The following DGKI variants were observed in gnomAD, a reference collection of about 807,000 sequenced individuals.
DGKI encodes DAG kinase iota.
Under a neutral mutation model 147.5 loss-of-function variants are expected in DGKI, and 55 were observed. That is an observed-to-expected ratio of 0.37 (90% CI 0.30 to 0.47). The LOEUF is 0.47. DGKI is among the 20% of genes least tolerant of loss of function. The pLI is 1.00. For missense variants in DGKI, 1,007 were observed against 1,323.8 expected (o/e 0.76, Z 3.71); for synonymous variants, 469 against 477.1 (o/e 0.98, Z 0.22).
intron 21 of DGKI, among the ~76,000 whole-genome samples, chr7:137,509,093 C>T (rs984810527): frequency 1.3e-5 from 2 of 152,010 alleles, no homozygotes; most frequent in Admixed American, 6.6e-5. Flanking sequence ...TCAAATGTGC[C>T]AAGGTTATCA....
intron 30 of DGKI, 22 bp downstream of exon 30, chr7:137,407,853 T>C: frequency 1.9e-6 from 3 of 1,612,426 alleles, no homozygotes; most frequent in East Asian, 2.2e-5. Context: ...TGATCCTTGG[T>C]AAGTTCACTA....
chr7:137,841,089 T>C (rs2117107087), intron 1 of DGKI, among the ~76,000 whole-genome samples: 1 of 152,372 alleles, frequency 6.6e-6, no homozygotes, highest in Non-Finnish European at 1.5e-5. Context: ...AGCAGAAAGA[T>C]GCCAAGTTCA....
chr7:137,783,879 G>A (rs933706425), intron 1 of DGKI, among the ~76,000 whole-genome samples: 6 of 152,180 alleles, frequency 3.9e-5, no homozygotes, highest in African/African-American at 1.4e-4. Flanking sequence ...GTGAAACTAA[G>A]CTTCATAAAT....
At chr7:137,650,661 G>A (rs555013285) in intron 5 of DGKI, among the ~76,000 whole-genome samples, 19 of 152,304 alleles carry the variant, frequency 1.2e-4, no homozygotes, top group African/African-American at 4.1e-4. Flanking sequence ...CAATGAGAAG[G>A]TGGCAGTCTG....
In DGKI at chr7:137,846,965, GGCCCGCAC is replaced by G; in HGVS notation, c.-111_-104del. ...CCCGCCTCCCGCGCCCTCCCGCGCC[GGCCCGCAC>G]CCTCCAGCCCCGCCGGCCTCTTCCT... On this transcript the variant is annotated 5_prime_UTR_variant, in exon 1 of 33. Transcript: ENST00000614521. This position sits in a 1 kb window ranked among gnomAD's most constrained non-coding sequence, Gnocchi z 4.0. 1.1e-6 allele frequency: 1 copy of G among 908,240 alleles called. No individual in the cohort carries two copies. Among genetic ancestry groups the G allele is most frequent in the South Asian group, 4.9e-5 (1 of 20,244 alleles). 56.3% of individuals were successfully genotyped at this position (908,240 alleles called of 1,614,324 possible). A position where few individuals can be genotyped will look rare whatever the true frequency, so the allele number is the denominator to read the frequency against.
At chr7:137,428,073 C>T (rs996381092) in intron 28 of DGKI, among the ~76,000 whole-genome samples, 4 of 147,988 alleles carry the variant, frequency 2.7e-5, no homozygotes, top group Admixed American at 6.8e-5. Context: ...CATCCTGATA[C>T]CAAAGCCGGG....
intron 1 of DGKI, among the ~76,000 whole-genome samples, chr7:137,808,990 C>T (rs1211244565): frequency 6.6e-6 from 1 of 152,168 alleles, no homozygotes; most frequent in Non-Finnish European, 1.5e-5. Context: ...TCATATCTCC[C>T]TTCCCTATCA....
chr7:137,645,476 C>T lies in DGKI; in HGVS notation c.800G>A (p.Gly267Asp). ...ATGAGGTGGCTGGGCTCTTACCTTA[C>T]CACACTGCTTACATTTCCCCTCCTG... ...RRQEGKCKQC[G>D]KGFQQKFSFH... Residue 267 changes from glycine to aspartate, a missense_variant, in exon 6 of 33, where the codon GGT (glycine) becomes GAT (aspartate). By Grantham distance (94) the Gly-to-Asp change is moderately conservative. Around this residue, in one of 5 missense-constraint regions of DGKI, gnomAD observed 259 missense variants for 362.5 expected, o/e 0.71. Coordinates refer to ENST00000614521, the MANE Select transcript of DGKI (RefSeq NM_001321708.2). 1 of 1,613,442 alleles carries T rather than the reference C, an allele frequency of 6.2e-7. No individual in the cohort carries two copies. The highest frequency in any genetic ancestry group is 8.5e-7 in the Non-Finnish European group (1 of 1,179,590).
At chr7:137,783,966 T>C (rs1796594333) in intron 1 of DGKI, among the ~76,000 whole-genome samples, 1 of 152,188 alleles carries the variant, frequency 6.6e-6, no homozygotes, top group Non-Finnish European at 1.5e-5. Context: ...TTACAAGAAC[T>C]GCTAAAAGAA....
intron 1 of DGKI, among the ~76,000 whole-genome samples, chr7:137,786,145 T>C (rs1225472823): frequency 6.6e-6 from 1 of 152,036 alleles, no homozygotes; most frequent in East Asian, 1.9e-4. Flanking sequence ...GAGAAAGAAA[T>C]AAAGGGCATC....
chr7:137,797,621 A>G (rs1025888045), intron 1 of DGKI, among the ~76,000 whole-genome samples: 6 of 152,180 alleles, frequency 3.9e-5, no homozygotes, highest in African/African-American at 1.2e-4. Flanking sequence ...ACATTGTTTT[A>G]GGATTTCAAA....
intron 27 of DGKI, among the ~76,000 whole-genome samples, chr7:137,456,274 T>C (rs1814202550): frequency 6.6e-6 from 1 of 152,206 alleles, no homozygotes; most frequent in Admixed American, 6.5e-5. Context: ...TTGAAATATA[T>C]AAATGGAACC....
chr7:137,734,892 T>C (rs1794979977), intron 1 of DGKI, among the ~76,000 whole-genome samples: 1 of 152,076 alleles, frequency 6.6e-6, no homozygotes, highest in Non-Finnish European at 1.5e-5. Context: ...GCGTGATCAA[T>C]AAATATTTGT....
intron 28 of DGKI, among the ~76,000 whole-genome samples, chr7:137,415,286 C>A (rs1812316598): frequency 6.6e-6 from 1 of 152,092 alleles, no homozygotes; most frequent in Non-Finnish European, 1.5e-5. Context: ...AATGATACAA[C>A]AGTAAAAATT....
chr7:137,571,131 G>T, intron 19 of DGKI, 44 bp downstream of exon 19: 3 of 1,403,996 alleles, frequency 2.1e-6, no homozygotes, highest in South Asian at 2.6e-5. Flanking sequence ...TAAACTCTGT[G>T]ACTAAAATAC....
Position 137,396,482 on chromosome 7 carries a change from A to C in DGKI, c.2958-785T>G, listed in dbSNP as rs149165891. Among the ~76,000 whole-genome samples, 252 of 152,348 alleles carry C rather than the reference A, an allele frequency of 1.7e-3. 1 individual carries two copies. Among genetic ancestry groups the C allele is most frequent in the Non-Finnish European group, 2.9e-3 (195 of 68,028 alleles). Reference sequence around the variant, plus strand: ...GCTTAACGCCAAAGTGTTTCAGGAAAAATCAATAGCAGCCTTTAGAGAAGG... The same window carrying C: ...GCTTAACGCCAAAGTGTTTCAGGAACAATCAATAGCAGCCTTTAGAGAAGG... On this transcript the variant is annotated intron_variant, in intron 31 of 32. Transcript: ENST00000614521.
In DGKI at chr7:137,507,665, T is replaced by C. The variant is rs561137077; in HGVS notation, c.2248+14201A>G. Among the ~76,000 whole-genome samples, 3 of 152,338 alleles carry C rather than the reference T, an allele frequency of 2.0e-5. No individual in the cohort carries two copies. In the South Asian group the frequency reaches 6.2e-4, roughly 32 times the overall value. On this transcript the variant is annotated intron_variant, in intron 21 of 32. Transcript: ENST00000614521. ...TTTAGCAAACGGGTTTTAAGGACTT[T>C]CTGGTGCTGGGGACAACTCTAGTGT...
At chr7:137,660,660 CT>C (rs1287991935) in intron 3 of DGKI, among the ~76,000 whole-genome samples, 5 of 152,308 alleles carry the variant, frequency 3.3e-5, no homozygotes, top group African/African-American at 1.2e-4. Flanking sequence ...CCTCCCTTGC[CT>C]AAGTCCCTGA....
At chr7:137,440,393 T>C (rs1184976463) in intron 28 of DGKI, among the ~76,000 whole-genome samples, 1 of 152,216 alleles carries the variant, frequency 6.6e-6, no homozygotes, top group Non-Finnish European at 1.5e-5. Context: ...GGAGAAGTTG[T>C]TATTTTTGTT....
Sources: gnomAD v4.1 joint callset for allele counts (sites outside exome capture counted in the v4.1 genomes callset) on GRCh38, gnomAD v4.1.1 for gene constraint, gnomAD v4.1.1 regional missense constraint, Gnocchi (gnomAD v3.1) non-coding constraint, MANE v1.5 for transcripts, NCBI Gene and HGNC (gene_info 2026-07-23, HGNC 2026-07-21) for gene names.